The following KIAA1328 variants were observed in gnomAD, a reference collection of about 807,000 sequenced individuals.
KIAA1328 encodes the protein protein hinderin.
A neutral mutation model predicts 68.1 loss-of-function variants in KIAA1328; 52 were observed. The ratio of observed to expected loss-of-function variants is 0.76; its 90% CI spans 0.61 to 0.96. The LOEUF (loss-of-function observed/expected upper bound fraction) is 0.96. Ranked by LOEUF, KIAA1328 falls within the 40% of genes least tolerant of loss-of-function variation. KIAA1328 has a pLI of 0.00. For synonymous variants in KIAA1328, 232 were observed against 239.4 expected (o/e 0.97, Z 0.28); for missense variants, 641 against 677.6 (o/e 0.95, Z 0.60).
chr18:36,896,788 C>G (rs948649697), intron 5 of KIAA1328, among the ~76,000 whole-genome samples: 1 of 151,972 alleles, frequency 6.6e-6, no homozygotes, highest in Non-Finnish European at 1.5e-5. Flanking sequence ...ATTGTTTAGC[C>G]TTTTACATTA....
intron 5 of KIAA1328, among the ~76,000 whole-genome samples, chr18:36,889,110 T>C (rs1355841893): frequency 6.6e-6 from 1 of 152,160 alleles, no homozygotes; most frequent in Non-Finnish European, 1.5e-5. Context: ...TTGTAGAAAA[T>C]TGTGAATTTA....
At chr18:37,068,892 C>A (rs1467971343) in intron 7 of KIAA1328, among the ~76,000 whole-genome samples, 5 of 152,064 alleles carry the variant, frequency 3.3e-5, no homozygotes, top group African/African-American at 4.8e-5. Context: ...GCTGGAATTA[C>A]AGCCACTGCT....
chr18:36,862,265 A>T (rs925100393), intron 4 of KIAA1328, among the ~76,000 whole-genome samples: 1 of 152,154 alleles, frequency 6.6e-6, no homozygotes, highest in Non-Finnish European at 1.5e-5. Context: ...CAATTTTTTC[A>T]TGTGTAGATT....
chr18:36,855,618 G>A (rs1182790672), intron 4 of KIAA1328, among the ~76,000 whole-genome samples: 1 of 151,106 alleles, frequency 6.6e-6, no homozygotes, highest in East Asian at 1.9e-4. Flanking sequence ...CAGTTTCTTG[G>A]TGGTGTCCTT....
At chr18:37,186,564 C>CA (rs397858280) in intron 9 of KIAA1328, among the ~76,000 whole-genome samples, 2,511 of 72,648 alleles carry the variant, frequency 0.035, 48 homozygotes, top group Non-Finnish European at 0.047. Context: ...GAAACCCTAT[C>CA]AAAAAAAAAA....
chr18:37,067,675 T>C (rs1322871133), intron 7 of KIAA1328, 130 bp downstream of exon 7: 4 of 975,382 alleles, frequency 4.1e-6, no homozygotes, highest in Non-Finnish European at 5.8e-6. Flanking sequence ...GTTCTCTGCC[T>C]CAGCCTCCCG....
intron 5 of KIAA1328, among the ~76,000 whole-genome samples, chr18:36,951,223 T>C (rs548285405): frequency 1.3e-5 from 2 of 152,318 alleles, no homozygotes; most frequent in Admixed American, 1.3e-4. Flanking sequence ...AATGTTCTTG[T>C]CATTACTCTT....
chr18:37,134,352 T>A (rs2058594351), intron 7 of KIAA1328, among the ~76,000 whole-genome samples: 1 of 152,200 alleles, frequency 6.6e-6, no homozygotes, highest in Non-Finnish European at 1.5e-5. Flanking sequence ...AAGTTTTATA[T>A]AGGTCGTATC....
At chr18:36,970,337 A>G (rs1598853739) in intron 6 of KIAA1328, among the ~76,000 whole-genome samples, 1 of 152,200 alleles carries the variant, frequency 6.6e-6, no homozygotes, top group South Asian at 2.1e-4. Flanking sequence ...TGACAAACCC[A>G]CAGCCAATAT....
intron 3 of KIAA1328, among the ~76,000 whole-genome samples, chr18:36,841,803 T>A (rs1277390063): frequency 6.6e-6 from 1 of 152,238 alleles, no homozygotes; most frequent in Non-Finnish European, 1.5e-5. Flanking sequence ...TGTCCTACAG[T>A]GTAAATACAT....
At chr18:37,125,273 T>C (rs2058363710) in intron 7 of KIAA1328, among the ~76,000 whole-genome samples, 1 of 152,062 alleles carries the variant, frequency 6.6e-6, no homozygotes, top group Admixed American at 6.6e-5. Flanking sequence ...TGAGCCATGA[T>C]TGCACCATTG....
At chr18:37,145,254 C>T (rs1260646103) in intron 7 of KIAA1328, among the ~76,000 whole-genome samples, 2 of 151,980 alleles carry the variant, frequency 1.3e-5, no homozygotes, top group African/African-American at 2.4e-5. Context: ...TTTCCAAATA[C>T]TAGAGAGATT....
At chr18:36,990,527 A>T (rs556170446) in intron 6 of KIAA1328, among the ~76,000 whole-genome samples, 13 of 151,972 alleles carry the variant, frequency 8.6e-5, no homozygotes, top group Non-Finnish European at 1.9e-4. Context: ...TGCAAAAATT[A>T]ACTGGGCATG....
intron 9 of KIAA1328, among the ~76,000 whole-genome samples, chr18:37,209,468 ATG>A (rs145023263): frequency 5.3e-5 from 8 of 150,218 alleles, no homozygotes; most frequent in African/African-American, 7.3e-5. Context: ...TAATGTGTGT[ATG>A]TGTGTGTGTG....
chr18:36,954,513 T>A (rs1454077427), intron 5 of KIAA1328: 2 of 152,164 alleles, frequency 1.3e-5, no homozygotes, highest in Non-Finnish European at 2.9e-5. Context: ...CTGTAAGTAA[T>A]TATGACACCT....
chr18:37,192,038 T>TAA (rs2059914425), intron 9 of KIAA1328, among the ~76,000 whole-genome samples: 1 of 152,184 alleles, frequency 6.6e-6, no homozygotes, highest in Non-Finnish European at 1.5e-5. Context: ...CAGCTTCAAC[T>TAA]GTAGCACTAA....
intron 8 of KIAA1328, among the ~76,000 whole-genome samples, chr18:37,168,407 A>G (rs919357562): frequency 6.6e-6 from 1 of 152,214 alleles, no homozygotes; most frequent in Non-Finnish European, 1.5e-5. Context: ...TGGATAACTG[A>G]CAGCATCTGC....
Position 36,906,288 on chromosome 18 carries a change from C to T in KIAA1328, c.448+20616C>T, listed in dbSNP as rs564971707. 3.9e-5 allele frequency among the ~76,000 whole-genome samples: 6 copies of T among 152,232 alleles called. No homozygotes were observed. In the South Asian group the frequency reaches 6.2e-4, roughly 16 times the overall value. On this transcript the variant is annotated intron_variant, in intron 5 of 9. Coordinates refer to ENST00000280020, the MANE Select transcript of KIAA1328 (RefSeq NM_020776.3). ...TACAAAGTGTTATGTATTCACCATA[C>T]AGTATCATACAGAACTAATCTACCA...
At chr18:37,074,761 G>C (rs2056655685) in intron 7 of KIAA1328, 1 of 164,154 alleles carries the variant, frequency 6.1e-6, no homozygotes, top group Admixed American at 6.4e-5. Flanking sequence ...GCTCAGAGTA[G>C]TTTGATCATC....
Sources: allele counts gnomAD v4.1 joint callset (sites outside exome capture counted in the v4.1 genomes callset), GRCh38; gene constraint gnomAD v4.1.1; transcripts MANE v1.5; gene names NCBI Gene and HGNC (gene_info 2026-07-23, HGNC 2026-07-21).